The following ARHGEF28 variants were observed in gnomAD, a reference collection of about 807,000 sequenced individuals.
The protein encoded by ARHGEF28 is Rho guanine nucleotide exchange factor 28.
A neutral mutation model predicts 206.6 loss-of-function variants in ARHGEF28; 152 were observed. The ratio of observed to expected loss-of-function variants is 0.74; its 90% CI spans 0.64 to 0.84. The LOEUF (loss-of-function observed/expected upper bound fraction) is 0.84, where lower values mean the gene tolerates loss of function less well. Among genes scored for constraint, ARHGEF28 ranks in the 40% least tolerant of loss-of-function variants. ARHGEF28 has a pLI of 0.00. For missense variants in ARHGEF28, 2,028 were observed against 2,073.2 expected (o/e 0.98, Z 0.42); for synonymous variants, 763 against 776.4 (o/e 0.98, Z 0.29).
At chr5:73,738,727 G>A (rs1056549232) in intron 2 of ARHGEF28, among the ~76,000 whole-genome samples, 14 of 152,164 alleles carry the variant, frequency 9.2e-5, no homozygotes, top group Middle Eastern at 3.2e-3. Context: ...GTTATGCCCA[G>A]AGATAATCAA....
rs1194004709 is a variant in ARHGEF28, at chr5:73,673,636, G to T, written c.-11-11205G>T. On this transcript the variant is annotated intron_variant, in intron 1 of 35. Transcript: ENST00000513042. ...TTAGAGATTCTGAGTGATTTCATTT[G>T]AAATAAATATTCAAAGTCTTAAAAA... Among the ~76,000 whole-genome samples, 4 of 152,100 alleles carry T rather than the reference G, an allele frequency of 2.6e-5. No individual in the cohort carries two copies. In the East Asian group the frequency reaches 7.7e-4, roughly 29 times the overall value.
chr5:73,817,926 G>T (rs1468999403), intron 9 of ARHGEF28, among the ~76,000 whole-genome samples: 1 of 152,078 alleles, frequency 6.6e-6, no homozygotes, highest in Non-Finnish European at 1.5e-5. Context: ...GAAGTGACAG[G>T]GAGAGACTCT....
chr5:73,644,553 T>C (rs1055173962), intron 1 of ARHGEF28, among the ~76,000 whole-genome samples: 4 of 152,212 alleles, frequency 2.6e-5, no homozygotes, highest in Non-Finnish European at 4.4e-5. Flanking sequence ...CTCATGACCC[T>C]TCAGGCTCTG....
intron 24 of ARHGEF28, 150 bp downstream of exon 24, chr5:73,884,034 G>A (rs2112668640): frequency 2.2e-6 from 1 of 454,366 alleles, no homozygotes; most frequent in Non-Finnish European, 3.7e-6. Flanking sequence ...ATTTGGATTA[G>A]TTTTTAGAAA....
At chr5:73,646,860 C>T (rs565082470) in intron 1 of ARHGEF28, among the ~76,000 whole-genome samples, 2 of 152,096 alleles carry the variant, frequency 1.3e-5, no homozygotes, top group South Asian at 2.1e-4. Context: ...TAGAGTGGCT[C>T]ATCTATGAGG....
intron 11 of ARHGEF28, among the ~76,000 whole-genome samples, chr5:73,843,979 T>C (rs1256321307): frequency 6.6e-6 from 1 of 152,204 alleles, no homozygotes; most frequent in African/African-American, 2.4e-5. Context: ...TATTTTCTAT[T>C]CTATATATTT....
Position 73,885,842 on chromosome 5 carries a change from C to T in ARHGEF28, c.3056-8C>T. 6.3e-7 allele frequency: 1 copy of T among 1,590,584 alleles called. No individual in the cohort carries two copies. The highest frequency in any genetic ancestry group is 8.5e-7 in the Non-Finnish European group (1 of 1,171,144). The stretch of plus-strand genomic sequence containing the variant: ...ATTTTTGTTTGTTTGTTTCTTTTTC[C>T]CACGCAGAAAGAACTGAGGAACATA... On this transcript the variant is annotated splice_region_variant and splice_polypyrimidine_tract_variant and intron_variant, in intron 24 of 35. Coordinates refer to ENST00000513042, the MANE Select transcript of ARHGEF28 (RefSeq NM_001177693.2).
intron 31 of ARHGEF28, chr5:73,903,726 G>A (rs1762400061): frequency 6.4e-6 from 1 of 157,020 alleles, no homozygotes; most frequent in South Asian, 1.9e-4. Flanking sequence ...TCTGAGTCTG[G>A]TTTCTTTTCC....
In ARHGEF28 at chr5:73,794,451, A is replaced by G; in HGVS notation, c.960A>G (p.Ile320Met). 1 of 1,597,168 alleles carries G rather than the reference A, an allele frequency of 6.3e-7. No homozygotes were observed. Among genetic ancestry groups the G allele is most frequent in the Non-Finnish European group, 8.6e-7 (1 of 1,169,270 alleles). ...GATCAGCAGCTGAAAAGGAAGATATAAAGGTAATGAATGACTCCCTGCTTC... is the reference window on the plus strand; with the variant it reads ...GATCAGCAGCTGAAAAGGAAGATATGAAGGTAATGAATGACTCCCTGCTTC... ...SSRSAAEKED[I>M]KRVKSLVVQH... Residue 320 changes from isoleucine (I) to methionine (M), a missense_variant, in exon 8 of 36, where the codon ATA becomes ATG. Ile to Met is a conservative substitution (Grantham distance 10, BLOSUM62 1). This residue lies in a region of ARHGEF28 where 1,002 missense variants were observed against 1,015.3 expected (regional missense o/e 0.99). Transcript: ENST00000513042.
intron 2 of ARHGEF28, among the ~76,000 whole-genome samples, chr5:73,714,627 T>C (rs188674624): frequency 1.9e-4 from 29 of 152,350 alleles, no homozygotes; most frequent in Non-Finnish European, 3.5e-4. Flanking sequence ...CCTATATCTC[T>C]GGGTGTATGA....
At chr5:73,860,340 G>C (rs974243597) in intron 16 of ARHGEF28, among the ~76,000 whole-genome samples, 1 of 152,168 alleles carries the variant, frequency 6.6e-6, no homozygotes, top group Non-Finnish European at 1.5e-5. Flanking sequence ...CCACTTTGGA[G>C]AATTATGGTA....
At chr5:73,651,411 A>G (rs1166092379) in intron 1 of ARHGEF28, among the ~76,000 whole-genome samples, 2 of 152,268 alleles carry the variant, frequency 1.3e-5, no homozygotes, top group Non-Finnish European at 2.9e-5. Flanking sequence ...TCATTGCATT[A>G]GAAGATCTTG....
chr5:73,684,876 C>T lies in ARHGEF28; in HGVS notation c.25C>T (p.Pro9Ser), dbSNP rs754412187. MELSCSEAPLYGQMMIYAK... is the reference protein window; with the variant it reads MELSCSEASLYGQMMIYAK... The stretch of plus-strand genomic sequence containing the variant: ...CATGGAGTTGAGCTGCAGCGAAGCA[C>T]CTCTTTACGTAAGTTGCTAAGCACG... The change falls in exon 2 of 36, where the codon CCT (proline) becomes TCT (serine). Residue 9 changes from proline to serine, a missense_variant. Pro to Ser is a moderately conservative substitution (Grantham distance 74, BLOSUM62 -1). Transcript: ENST00000513042. 2 of 1,612,090 alleles carry T rather than the reference C, an allele frequency of 1.2e-6. No homozygotes were observed. Among genetic ancestry groups the T allele is most frequent in the South Asian group, 2.2e-5 (2 of 90,534 alleles).
intron 1 of ARHGEF28, among the ~76,000 whole-genome samples, chr5:73,636,216 AATAAAAATGAACCCTCTAGGTT>A (rs1288890253): frequency 6.6e-6 from 1 of 152,214 alleles, no homozygotes; most frequent in African/African-American, 2.4e-5. Flanking sequence ...AGGTTGTTAC[AATAAAAATGAACCCTCTAGGTT>A]ATCTTCTTCG....
In ARHGEF28 at chr5:73,708,187, T is replaced by G. The variant is rs77587561; in HGVS notation, c.33+23303T>G. 7.7e-3 allele frequency among the ~76,000 whole-genome samples: 629 copies of G among 81,660 alleles called. 5 individuals are homozygous for G. The highest frequency in any genetic ancestry group is 0.037 in the African/African-American group (594 of 15,864). The allele number at this position is 81,660 out of a possible 152,430, so 53.6% of individuals were successfully genotyped here. On this transcript the variant is annotated intron_variant, in intron 2 of 35. Transcript: ENST00000513042. ...AAACACTTTAGCTTTACTGTCAAAG[T>G]TTTTTTTTTTTAATTTCAGCTTTTA... is the stretch of plus-strand genomic sequence containing the variant.
intron 29 of ARHGEF28, among the ~76,000 whole-genome samples, chr5:73,895,466 C>T (rs142013878): frequency 5.9e-5 from 9 of 152,100 alleles, no homozygotes; most frequent in Non-Finnish European, 1.2e-4. Flanking sequence ...CAACAATGAG[C>T]GGTAGTGAGT....
intron 10 of ARHGEF28, among the ~76,000 whole-genome samples, chr5:73,837,462 C>G (rs1248764847): frequency 6.6e-6 from 1 of 151,978 alleles, no homozygotes; most frequent in Non-Finnish European, 1.5e-5. Flanking sequence ...ATTTTCTTAG[C>G]TGTTTAAATA....
At chr5:73,727,687 A>T (rs138831460) in intron 2 of ARHGEF28, among the ~76,000 whole-genome samples, 17 of 152,340 alleles carry the variant, frequency 1.1e-4, no homozygotes, top group Middle Eastern at 6.8e-3. Flanking sequence ...GACTTTGAGA[A>T]CAGCTGTCAT....
intron 3 of ARHGEF28, among the ~76,000 whole-genome samples, chr5:73,751,851 C>T (rs754705209): frequency 5.9e-5 from 9 of 152,030 alleles, no homozygotes; most frequent in African/African-American, 2.2e-4. Flanking sequence ...TTTAATATTT[C>T]CTGGGTATGT....
Sources: gnomAD v4.1 joint callset for allele counts (sites outside exome capture counted in the v4.1 genomes callset) on GRCh38, gnomAD v4.1.1 for gene constraint, gnomAD v4.1.1 regional missense constraint, MANE v1.5 for transcripts, NCBI Gene and HGNC (gene_info 2026-07-23, HGNC 2026-07-21) for gene names.